THAP6: variants seen among roughly 807,000 people sequenced by gnomAD.
THAP6 encodes the protein THAP domain containing 6, also known as THAP domain-containing protein 6.
THAP6 carries 13 observed loss-of-function variants against 20.0 expected under a neutral mutation model. The ratio of observed to expected loss-of-function variants is 0.65; its 90% CI spans 0.42 to 1.03. The LOEUF is 1.03. Among genes scored for constraint, THAP6 ranks in the 50% least tolerant of loss-of-function variants. The probability of loss-of-function intolerance (pLI) is 0.00; values close to 1 mark genes in which losing one functional copy is unlikely to be tolerated. For synonymous variants in THAP6, 93 were observed against 92.2 expected (o/e 1.01, Z -0.05); for missense variants, 262 against 261.6 (o/e 1.00, Z -0.01).
At chr4:75,519,996 T>G (rs1427912533) in intron 3 of THAP6, among the ~76,000 whole-genome samples, 4 of 151,676 alleles carry the variant, frequency 2.6e-5, no homozygotes, top group African/African-American at 9.7e-5. Context: ...ACCTGTTGTT[T>G]CCTGACTTTT....
At chr4:75,517,015 ACTTT>A in intron 3 of THAP6, 36 bp downstream of exon 3, 1 of 1,138,562 alleles carries the variant, frequency 8.8e-7, no homozygotes, top group Non-Finnish European at 1.2e-6. Context: ...ATCATTGCTC[ACTTT>A]TTTTTTTTTT....
At position 75,539,867 on chromosome 4, in the gene THAP6, G is replaced by A. The variant is rs946021073; in HGVS notation, c.166-2542G>A. On this transcript the variant is annotated intron_variant, in intron 2 of 4. Coordinates refer to the THAP6 transcript ENST00000502620. ...ATTCCATCCCATCCCAGAAACACAG[G>A]AAAAGGAAACAAGAACAGGAAGAAG... 4 of 1,535,896 alleles carry A rather than the reference G, an allele frequency of 2.6e-6. No homozygotes were observed. In the African/African-American group the frequency reaches 5.5e-5, roughly 21 times the overall value.
At chr4:75,532,180 G>A (rs983569169), downstream of THAP6, among the ~76,000 whole-genome samples, 1 of 152,150 alleles carries the variant, frequency 6.6e-6, no homozygotes, top group African/African-American at 2.4e-5. Context: ...GATACAATGA[G>A]GTACAGGCAT....
At chr4:75,533,643 G>T (rs1726757248), downstream of THAP6, among the ~76,000 whole-genome samples, 4 of 152,300 alleles carry the variant, frequency 2.6e-5, no homozygotes, top group South Asian at 8.3e-4. Flanking sequence ...CCACATGGCT[G>T]GGGAGGCCTC....
At chr4:75,518,110 G>A (rs1302750645) in intron 3 of THAP6, among the ~76,000 whole-genome samples, 1 of 152,176 alleles carries the variant, frequency 6.6e-6, no homozygotes, top group Admixed American at 6.5e-5. Context: ...AGTATCTTGG[G>A]AAAGTTGGTC....
chr4:75,536,280 C>T (rs1356212864), intron 2 of THAP6, among the ~76,000 whole-genome samples: 1 of 152,156 alleles, frequency 6.6e-6, no homozygotes, highest in Non-Finnish European at 1.5e-5. Flanking sequence ...GCCTGACCAA[C>T]ATGGAGAAAC....
At chr4:75,519,987 C>T (rs1190393651) in intron 3 of THAP6, among the ~76,000 whole-genome samples, 3 of 151,498 alleles carry the variant, frequency 2.0e-5, no homozygotes, top group Non-Finnish European at 4.4e-5. Flanking sequence ...CTCTCCAGCA[C>T]CTGTTGTTTC....
chr4:75,547,203 A>T (rs1371049140), intron 3 of THAP6, among the ~76,000 whole-genome samples: 1 of 152,188 alleles, frequency 6.6e-6, no homozygotes, highest in Non-Finnish European at 1.5e-5. Context: ...GCTGAGTGTC[A>T]CTGTGCCAAG....
chr4:75,538,084 C>G (rs1379513531), intron 2 of THAP6, among the ~76,000 whole-genome samples: 2 of 152,116 alleles, frequency 1.3e-5, no homozygotes, highest in Non-Finnish European at 2.9e-5. Context: ...CAAAGTTAGT[C>G]AAATATAACA....
Position 75,521,874 on chromosome 4 carries a change from C to T in THAP6, c.414+13C>T, listed in dbSNP as rs1192958673. 5 of 1,613,172 alleles carry T rather than the reference C, an allele frequency of 3.1e-6. No homozygotes were observed. Among genetic ancestry groups the T allele is most frequent in the Non-Finnish European group, 4.2e-6 (5 of 1,179,452 alleles). ...CCAGTTCATTTTTGTAAGTAAATTA[C>T]TTGCTGAGCTCATGTTAATTCTTTT... On this transcript the variant is annotated intron_variant, in intron 4 of 4. Coordinates refer to ENST00000311638, the MANE Select transcript of THAP6 (RefSeq NM_144721.6).
At chr4:75,514,266 T>C, upstream of THAP6, 1 of 1,612,602 alleles carries the variant, frequency 6.2e-7, no homozygotes, top group Non-Finnish European at 8.5e-7. Context: ...TGGCGCCATC[T>C]TCCCGGGCCG....
At chr4:75,538,975 G>A (rs577158910) in intron 2 of THAP6, among the ~76,000 whole-genome samples, 1 of 152,322 alleles carries the variant, frequency 6.6e-6, no homozygotes, top group South Asian at 2.1e-4. Flanking sequence ...TGAGAACCTA[G>A]CACATTCAAC....
downstream of THAP6, among the ~76,000 whole-genome samples, chr4:75,531,226 G>A (rs1726669569): frequency 6.6e-6 from 1 of 152,198 alleles, no homozygotes; most frequent in African/African-American, 2.4e-5. Flanking sequence ...GTTAGGTAAA[G>A]GGGGGCTGTA....
At chr4:75,541,631 A>G (rs1449996179) in intron 2 of THAP6, among the ~76,000 whole-genome samples, 1 of 152,034 alleles carries the variant, frequency 6.6e-6, no homozygotes, top group Non-Finnish European at 1.5e-5. Context: ...AAGGGAGGAA[A>G]AGAAAATTAT....
chr4:75,542,396 T>C (rs1727028939), intron 2 of THAP6: 1 of 701,068 alleles, frequency 1.4e-6, no homozygotes, highest in East Asian at 2.7e-5. Flanking sequence ...TTTCTGCCTG[T>C]GTTTTGTTTC....
chr4:75,515,606 T>C (rs2148798973), intron 2 of THAP6, 74 bp downstream of exon 2: 2 of 1,480,318 alleles, frequency 1.4e-6, no homozygotes, highest in East Asian at 2.3e-5. Flanking sequence ...TACTTAAGTC[T>C]TCAATTTTGA....
At chr4:75,526,199 C>G (rs1463770216) in intron 4 of THAP6, among the ~76,000 whole-genome samples, 1 of 152,126 alleles carries the variant, frequency 6.6e-6, no homozygotes, top group African/African-American at 2.4e-5. Flanking sequence ...AGCTGCTGTC[C>G]TTGCCAAATA....
chr4:75,529,612 GATTCCACCCTA>G lies in THAP6; in HGVS notation c.*2399_*2409del. On this transcript the variant is annotated 3_prime_UTR_variant, in exon 5 of 5. Transcript: ENST00000311638. Reference sequence around the variant, plus strand: ...TGTATCTCAGTCCTCTGTTCCCAGAGATTCCACCCTAGCCCAGGAAAGAACTGGCCTGTGTA... The same window carrying G: ...TGTATCTCAGTCCTCTGTTCCCAGAGGCCCAGGAAAGAACTGGCCTGTGTA... 2.0e-6 allele frequency: 2 copies of G among 985,406 alleles called. No homozygotes were observed. The allele number at this position is 985,406 out of a possible 1,614,324, so 61.0% of individuals were successfully genotyped here. A position where few individuals can be genotyped will look rare whatever the true frequency, so the allele number is the denominator to read the frequency against.
chr4:75,520,408 G>A (rs1356588764), intron 3 of THAP6, among the ~76,000 whole-genome samples: 3 of 152,156 alleles, frequency 2.0e-5, no homozygotes, highest in African/African-American at 7.2e-5. Flanking sequence ...GCTTTCCAAA[G>A]TACTTTTGCA....
Sources: gnomAD v4.1 joint callset for allele counts (sites outside exome capture counted in the v4.1 genomes callset) on GRCh38, gnomAD v4.1.1 for gene constraint, MANE v1.5 for transcripts, NCBI Gene and HGNC (gene_info 2026-07-23, HGNC 2026-07-21) for gene names.